Variants in MPP7 observed in about 807,000 individuals in gnomAD.
MPP7 encodes MAGUK p55 scaffold protein 7, also known as MAGUK p55 subfamily member 7.
In MPP7, 60 loss-of-function variants were observed where a neutral mutation model predicts 76.5. The ratio of observed to expected loss-of-function variants is 0.78; its 90% CI spans 0.64 to 0.97. The LOEUF is 0.97. Among genes scored for constraint, MPP7 ranks in the 50% least tolerant of loss-of-function variants. The pLI is 0.00. For synonymous variants in MPP7, 237 were observed against 244.5 expected (o/e 0.97, Z 0.29); for missense variants, 641 against 694.0 (o/e 0.92, Z 0.86).
chr10:28,307,896 T>C (rs1473751775), upstream of MPP7, among the ~76,000 whole-genome samples: 1 of 152,138 alleles, frequency 6.6e-6, no homozygotes, highest in Admixed American at 6.5e-5. Context: ...ACTGGTGCAT[T>C]GCTAGCAGGG....
At chr10:28,268,508 G>T (rs1212634039) in intron 1 of MPP7, among the ~76,000 whole-genome samples, 2 of 152,138 alleles carry the variant, frequency 1.3e-5, no homozygotes, top group Admixed American at 1.3e-4. Flanking sequence ...AAGGCACACG[G>T]ATGACTTGAG....
intron 2 of MPP7, among the ~76,000 whole-genome samples, chr10:28,216,358 G>A (rs1353956491): frequency 4.6e-5 from 7 of 152,124 alleles, no homozygotes; most frequent in African/African-American, 1.2e-4. Context: ...TAAAGATAAT[G>A]CAACATATAT....
chr10:28,258,158 C>G (rs1471538045), intron 1 of MPP7, among the ~76,000 whole-genome samples: 1 of 151,272 alleles, frequency 6.6e-6, no homozygotes, highest in Non-Finnish European at 1.5e-5. Flanking sequence ...AAGAAGGGGA[C>G]AGACACAAGT....
rs76160058 is a variant in MPP7, at chr10:28,292,369, C to T, written c.-132+10492G>A. Among the ~76,000 whole-genome samples, 1,177 of 150,858 alleles carry T rather than the reference C, an allele frequency of 7.8e-3. 7 individuals are homozygous for T. The highest frequency in any genetic ancestry group is 0.013 in the Non-Finnish European group (869 of 67,738). ...GGGAAATAAACAATAGAAAATACAACAGAAGAAAAAATGGCATTCACAGTA... is the reference window on the plus strand; with the variant it reads ...GGGAAATAAACAATAGAAAATACAATAGAAGAAAAAATGGCATTCACAGTA... On this transcript the variant is annotated intron_variant, in intron 1 of 16. Transcript: ENST00000683449.
At position 28,053,975 on chromosome 10, in the gene MPP7, TG is replaced by T. The variant is rs1851448998; in HGVS notation, c.*89del. 1 of 936,284 alleles carries T rather than the reference TG, an allele frequency of 1.1e-6. No homozygotes were observed. Among genetic ancestry groups the T allele is most frequent in the African/African-American group, 1.7e-5 (1 of 60,328 alleles). 58.0% of individuals were successfully genotyped at this position (936,284 alleles called of 1,614,324 possible). A position where few individuals can be genotyped will look rare whatever the true frequency, so the allele number is the denominator to read the frequency against. ...AACCAAGATTGTACATCTATGACAG[TG>T]ATATAGATTTAAAAACCCTACTACC... On this transcript the variant is annotated 3_prime_UTR_variant, in exon 17 of 17. Transcript: ENST00000683449.
intron 3 of MPP7, among the ~76,000 whole-genome samples, chr10:28,186,859 A>C (rs969100851): frequency 3.9e-4 from 60 of 152,194 alleles, no homozygotes; most frequent in African/African-American, 1.4e-3. Context: ...CTCCACTGTT[A>C]GGTATAATAC....
chr10:28,073,709 G>A (rs2133378608), intron 12 of MPP7, among the ~76,000 whole-genome samples: 2 of 152,228 alleles, frequency 1.3e-5, no homozygotes, highest in Middle Eastern at 3.4e-3. Flanking sequence ...GGTGGAGGTT[G>A]CAGTGGGCCA....
At chr10:28,203,510 A>AC (rs1466152447) in intron 2 of MPP7, among the ~76,000 whole-genome samples, 6 of 151,806 alleles carry the variant, frequency 4.0e-5, no homozygotes, top group African/African-American at 1.5e-4. Flanking sequence ...AAAAAAAAAA[A>AC]AAAAAACCTT....
chr10:28,305,748 C>T (rs1370143033), upstream of MPP7: 1 of 152,172 alleles, frequency 6.6e-6, no homozygotes, highest in Admixed American at 6.5e-5. Context: ...AGTCAACTTT[C>T]CCCACATCAC....
chr10:28,280,918 T>C (rs1271957012), intron 1 of MPP7, among the ~76,000 whole-genome samples: 1 of 152,008 alleles, frequency 6.6e-6, no homozygotes, highest in Non-Finnish European at 1.5e-5. Context: ...CTTGTACACA[T>C]TCCTGTGTCT....
chr10:28,148,912 G>A lies in MPP7; in HGVS notation c.234+1070C>T, dbSNP rs915800834. Among the ~76,000 whole-genome samples, 10 of 152,036 alleles carry A rather than the reference G, an allele frequency of 6.6e-5. No individual in the cohort carries two copies. In the East Asian group the frequency reaches 1.7e-3, roughly 26 times the overall value. Reference sequence around the variant, plus strand: ...TTTTTAAGGCTTTCGTGCCTTACTTGAGCAACTGTATCTACAACTTTATTT... The same window carrying A: ...TTTTTAAGGCTTTCGTGCCTTACTTAAGCAACTGTATCTACAACTTTATTT... On this transcript the variant is annotated intron_variant, in intron 4 of 16. Transcript: ENST00000683449.
At chr10:28,302,502 C>T (rs2133160413) in intron 1 of MPP7, among the ~76,000 whole-genome samples, 1 of 152,318 alleles carries the variant, frequency 6.6e-6, no homozygotes, top group East Asian at 1.9e-4. Context: ...TTCTTTTCCC[C>T]GGGGAGCCGG....
At chr10:28,261,344 C>G (rs1221152697) in intron 1 of MPP7, among the ~76,000 whole-genome samples, 1 of 152,164 alleles carries the variant, frequency 6.6e-6, no homozygotes, top group African/African-American at 2.4e-5. Context: ...CCCACCAACA[C>G]GGTGGCTTTG....
chr10:28,131,740 TA>T, intron 5 of MPP7, 49 bp from the exon 6 acceptor site: 1 of 1,000,040 alleles, frequency 1.0e-6, no homozygotes, highest in Non-Finnish European at 1.3e-6. Flanking sequence ...CATACTTATA[TA>T]TTATATGTAA....
intron 3 of MPP7, among the ~76,000 whole-genome samples, chr10:28,201,137 G>C (rs1837757693): frequency 6.6e-6 from 1 of 152,018 alleles, no homozygotes; most frequent in Non-Finnish European, 1.5e-5. Context: ...AAATAAACAT[G>C]GTCTTTAAAT....
rs75934137 is a variant in MPP7, at chr10:28,223,199, T to C, written c.37+15369A>G. On this transcript the variant is annotated intron_variant, in intron 2 of 16. Transcript: ENST00000683449. ...AATATTTTATAAGACCACTGAAATATGCTCTCTTAAATTTAAGAGTCACTT... is the reference window on the plus strand; with the variant it reads ...AATATTTTATAAGACCACTGAAATACGCTCTCTTAAATTTAAGAGTCACTT... Among the ~76,000 whole-genome samples, 1,502 of 152,188 alleles carry C rather than the reference T, an allele frequency of 9.9e-3. 24 individuals carry two copies. The highest frequency in any genetic ancestry group is 0.064 in the East Asian group (333 of 5,172).
At chr10:28,174,016 CAT>C (rs1281886746) in intron 3 of MPP7, among the ~76,000 whole-genome samples, 1 of 152,102 alleles carries the variant, frequency 6.6e-6, no homozygotes, top group Non-Finnish European at 1.5e-5. Flanking sequence ...CCATACGAAA[CAT>C]ATGAAGAAGT....
intron 2 of MPP7, among the ~76,000 whole-genome samples, chr10:28,321,948 C>CGTGTGTGTGTGTGTGT (rs3064171): frequency 2.2e-3 from 317 of 143,456 alleles, no homozygotes; most frequent in Non-Finnish European, 3.6e-3. Context: ...TTTTTGTAGA[C>CGTGTGTGTGTGTGTGT]GTGTGTGTGT....
chr10:28,308,895 T>G (rs952921990), intron 2 of MPP7, among the ~76,000 whole-genome samples: 10 of 146,978 alleles, frequency 6.8e-5, no homozygotes, highest in Admixed American at 5.4e-4. Flanking sequence ...AAAACTGCTC[T>G]TGTTAATTAA....
Sources: gnomAD v4.1 joint callset for allele counts (sites outside exome capture counted in the v4.1 genomes callset) on GRCh38, gnomAD v4.1.1 for gene constraint, MANE v1.5 for transcripts, NCBI Gene and HGNC (gene_info 2026-07-23, HGNC 2026-07-21) for gene names.